Variants in FAM162B observed in about 807,000 individuals in gnomAD.
FAM162B encodes the protein family with sequence similarity 162 member B.
In FAM162B, 16 loss-of-function variants were observed where a neutral mutation model predicts 20.0. The observed-to-expected ratio is 0.80, with a 90% CI of 0.54 to 1.21. FAM162B has a LOEUF of 1.21. Ranked by LOEUF, FAM162B falls within the 50% of genes most tolerant of loss-of-function variation. The probability of loss-of-function intolerance (pLI) is 0.00; values close to 1 mark genes in which losing one functional copy is unlikely to be tolerated. For missense variants in FAM162B, 260 were observed against 227.5 expected (o/e 1.14, Z -0.92); for synonymous variants, 83 against 89.7 (o/e 0.93, Z 0.42).
At chr6:116,757,076 C>T (rs1022587028) in intron 3 of FAM162B, among the ~76,000 whole-genome samples, 5 of 152,066 alleles carry the variant, frequency 3.3e-5, no homozygotes, top group Non-Finnish European at 7.4e-5. Flanking sequence ...CCATTTGGCA[C>T]AAAATTCAAA....
intron 3 of FAM162B, among the ~76,000 whole-genome samples, chr6:116,756,418 G>C (rs1055935737): frequency 6.6e-6 from 1 of 152,188 alleles, no homozygotes; most frequent in Non-Finnish European, 1.5e-5. Context: ...AAGATGAGTT[G>C]CTTCTTACAA....
intron 2 of FAM162B, 90 bp from the exon 3 acceptor site, chr6:116,762,175 A>G (rs1771798376): frequency 7.2e-6 from 8 of 1,113,788 alleles, no homozygotes; most frequent in Non-Finnish European, 1.0e-5. Context: ...AAACATTCCA[A>G]AAAATTCCCT....
chr6:116,758,300 A>G (rs1780076444), intron 3 of FAM162B, among the ~76,000 whole-genome samples: 1 of 152,194 alleles, frequency 6.6e-6, no homozygotes, highest in Non-Finnish European at 1.5e-5. Context: ...TGGAGGTGTA[A>G]GGTCTGAAAA....
intron 3 of FAM162B, among the ~76,000 whole-genome samples, chr6:116,754,100 TAAC>T (rs1780025655): frequency 6.6e-6 from 1 of 152,206 alleles, no homozygotes; most frequent in African/African-American, 2.4e-5. Flanking sequence ...CATTTATAAC[TAAC>T]TATTTCCCTA....
intron 3 of FAM162B, among the ~76,000 whole-genome samples, chr6:116,754,916 G>A (rs1483716065): frequency 6.6e-6 from 1 of 152,148 alleles, no homozygotes; most frequent in Non-Finnish European, 1.5e-5. Flanking sequence ...GGTGCCATAA[G>A]TATGCCCATA....
At chr6:116,756,701 C>G (rs949797532) in intron 3 of FAM162B, among the ~76,000 whole-genome samples, 13 of 152,174 alleles carry the variant, frequency 8.5e-5, no homozygotes, top group Non-Finnish European at 1.6e-4. Flanking sequence ...GAAATTGCCA[C>G]AGCCACCCCA....
intron 3 of FAM162B, among the ~76,000 whole-genome samples, chr6:116,760,798 T>A (rs1780131871): frequency 6.6e-6 from 1 of 152,204 alleles, no homozygotes; most frequent in South Asian, 2.1e-4. Context: ...AGGACATTTA[T>A]ATAATATCAG....
rs1554259843 is a variant in FAM162B at position 116,752,731 on chromosome 6, T to TATAG, written c.391-40_391-37dup. 8.3e-3 allele frequency: 3,639 copies of TATAG among 440,524 alleles called. 11 individuals are homozygous for TATAG. The highest frequency in any genetic ancestry group is 0.018 in the South Asian group (337 of 18,840). 27.3% of individuals were successfully genotyped at this position (440,524 alleles called of 1,614,324 possible). On this transcript the variant is annotated intron_variant, in intron 3 of 3. Coordinates refer to ENST00000368557, the MANE Select transcript of FAM162B (RefSeq NM_001085480.3). ...GAAGAAATATATATATATATATATA[T>TATAG]ATAGATACACGTATATATATATATA...
chr6:116,765,467 G>A lies in FAM162B; in HGVS notation c.110C>T (p.Pro37Leu), dbSNP rs1387883064. Residue 37 changes from proline (P) to leucine (L), a missense_variant, in exon 1 of 4, where the codon CCC becomes CTC. By Grantham distance (98) the Pro-to-Leu change is moderately conservative (BLOSUM62 -3). Transcript: ENST00000368557. ...ATRRPAPALP[P>L]RGLPCYSSGG... ...GCTGGAGTAGCAGGGGAGACCCCGG[G>A]GCGGAAGAGCCGGTGCGGGCCGTCG... The A allele has an allele frequency of 4.9e-6, 7 of 1,424,992 alleles. No individual in the cohort carries two copies. The highest frequency in any genetic ancestry group is 6.4e-6 in the Non-Finnish European group (7 of 1,092,074). The allele number at this position is 1,424,992 out of a possible 1,614,324, so 88.3% of individuals were successfully genotyped here.
At position 116,753,965 on chromosome 6, in the gene FAM162B, T is replaced by C. The variant is rs141720527; in HGVS notation, c.391-1270A>G. ...TTTCATAAAAGATAAACGATTTTCA[T>C]TCCCAATGCTCTCACTTCAGAGCTT... On this transcript the variant is annotated intron_variant, in intron 3 of 3. Transcript: ENST00000368557. Among the ~76,000 whole-genome samples the C allele has an allele frequency of 5.3e-5, 8 of 152,344 alleles. No individual in the cohort carries two copies. The East Asian group carries it at 1.5e-3, about 29-fold the overall frequency.
intron 2 of FAM162B, among the ~76,000 whole-genome samples, chr6:116,762,949 T>A (rs1416196281): frequency 3.3e-5 from 5 of 152,144 alleles, no homozygotes; most frequent in Non-Finnish European, 7.4e-5. Flanking sequence ...TTGGTATTCT[T>A]TCCTCTCTAT....
At position 116,765,190 on chromosome 6, in the gene FAM162B, T is replaced by C; in HGVS notation, c.238A>G (p.Thr80Ala). Residue 80 changes from threonine to alanine, a missense_variant, in exon 2 of 4, where the codon ACA becomes GCA. Physicochemically the swap from Thr to Ala is moderately conservative, Grantham distance 58. Transcript: ENST00000368557. ...SQFDKKILLW[T>A]GRFKSMEEIP... ...TCCTCCATCGATTTGAAACGCCCTG[T>C]CCACAGCAGGATTTTCTTGTCGAAC... The C allele has an allele frequency of 6.2e-7, 1 of 1,613,900 alleles. No individual in the cohort carries two copies. Among genetic ancestry groups the C allele is most frequent in the Non-Finnish European group, 8.5e-7 (1 of 1,179,944 alleles).
Position 116,752,454 on chromosome 6 carries a change from A to G in FAM162B, c.*143T>C, listed in dbSNP as rs1366231543. ...ATACTTCAGTAAAAGTTTACTAAAA[A>G]ATAAAAATAAAAAAGACATTGTGCT... On this transcript the variant is annotated 3_prime_UTR_variant, in exon 4 of 4. Coordinates refer to ENST00000368557, the MANE Select transcript of FAM162B (RefSeq NM_001085480.3). 3.0e-6 allele frequency: 1 copy of G among 336,420 alleles called. No homozygotes were observed. Among genetic ancestry groups the G allele is most frequent in the East Asian group, 5.2e-5 (1 of 19,192 alleles). The allele number at this position is 336,420 out of a possible 1,614,324, so 20.8% of individuals were successfully genotyped here. A position where few individuals can be genotyped will look rare whatever the true frequency, so the allele number is the denominator to read the frequency against.
chr6:116,755,301 C>G lies in FAM162B; in HGVS notation c.391-2606G>C, dbSNP rs182234411. 2.0e-3 allele frequency among the ~76,000 whole-genome samples: 298 copies of G among 151,836 alleles called. 2 individuals are homozygous for G. Among genetic ancestry groups the G allele is most frequent in the Middle Eastern group, 6.8e-3 (2 of 292 alleles). On this transcript the variant is annotated intron_variant, in intron 3 of 3. Transcript: ENST00000368557. ...ACAGCCTTATTACTGATATAAAAAA[C>G]GTTTTAGTGGTCTGGAAAGAAGATC...
intron 3 of FAM162B, among the ~76,000 whole-genome samples, chr6:116,761,292 A>C (rs1408640239): frequency 6.6e-6 from 1 of 152,220 alleles, no homozygotes; most frequent in Non-Finnish European, 1.5e-5. Context: ...GGTATTAAAC[A>C]GAAACCATAC....
At position 116,752,701 on chromosome 6, in the gene FAM162B, G is replaced by C. The variant is rs1162524606; in HGVS notation, c.391-6C>G. On this transcript the variant is annotated splice_region_variant and splice_polypyrimidine_tract_variant and intron_variant, in intron 3 of 3. Coordinates refer to ENST00000368557, the MANE Select transcript of FAM162B (RefSeq NM_001085480.3). ...GATTCATGTCGTTCTACAGCCTGTG[G>C]GGGGGAAGAAATATATATATATATA... 1 of 1,373,870 alleles carries C rather than the reference G, an allele frequency of 7.3e-7. No homozygotes were observed. The highest frequency in any genetic ancestry group is 2.0e-5 in the African/African-American group (1 of 50,316). The allele number at this position is 1,373,870 out of a possible 1,614,324, so 85.1% of individuals were successfully genotyped here.
chr6:116,765,584 G>T lies in FAM162B; in HGVS notation c.-8C>A. On this transcript the variant is annotated 5_prime_UTR_variant, in exon 1 of 4. Transcript: ENST00000368557. ...CCCGACCGCCCTGAGCATGCTGCCCGCTTGTCCCGCGCCGCACCCGCACCT... is the reference window on the plus strand; with the variant it reads ...CCCGACCGCCCTGAGCATGCTGCCCTCTTGTCCCGCGCCGCACCCGCACCT... 7.5e-7 allele frequency: 1 copy of T among 1,324,540 alleles called. No individual in the cohort carries two copies. The highest frequency in any genetic ancestry group is 9.6e-7 in the Non-Finnish European group (1 of 1,044,542). 82.0% of individuals were successfully genotyped at this position (1,324,540 alleles called of 1,614,324 possible).
At chr6:116,759,051 A>G (rs1310606289) in intron 3 of FAM162B, among the ~76,000 whole-genome samples, 1 of 152,158 alleles carries the variant, frequency 6.6e-6, no homozygotes, top group East Asian at 1.9e-4. Flanking sequence ...TCCAAAACAA[A>G]TCCTATTGCT....
chr6:116,754,272 T>A (rs1020851096), intron 3 of FAM162B, among the ~76,000 whole-genome samples: 4 of 152,146 alleles, frequency 2.6e-5, no homozygotes, highest in African/African-American at 9.7e-5. Context: ...TCCAGTAGAT[T>A]GAACTCAGAT....
Sources: gnomAD v4.1 joint callset for allele counts (sites outside exome capture counted in the v4.1 genomes callset) on GRCh38, gnomAD v4.1.1 for gene constraint, MANE v1.5 for transcripts, NCBI Gene and HGNC (gene_info 2026-07-23, HGNC 2026-07-21) for gene names.